GRIK1: variants seen among roughly 807,000 people sequenced by gnomAD.
The protein encoded by GRIK1 is glutamate receptor ionotropic, kainate 1.
GRIK1 carries 69 observed loss-of-function variants against 105.7 expected under a neutral mutation model. The observed-to-expected ratio is 0.65, with a 90% CI of 0.54 to 0.80. The LOEUF (loss-of-function observed/expected upper bound fraction) is 0.80, where lower values mean the gene tolerates loss of function less well. GRIK1 is among the 30% of genes least tolerant of loss of function. GRIK1 has a pLI of 0.00. For synonymous variants in GRIK1, 438 were observed against 431.3 expected, an observed-to-expected ratio of 1.02 and a Z score of -0.19; for missense variants, 1,109 against 1,167.3, an observed-to-expected ratio of 0.95 and a Z score of 0.73.
At chr21:29,818,065 G>A (rs1452509940) in intron 1 of GRIK1, among the ~76,000 whole-genome samples, 1 of 152,062 alleles carries the variant, frequency 6.6e-6, no homozygotes, top group African/African-American at 2.4e-5. Context: ...TAACTCCAAA[G>A]TCTGGAGTCT....
At chr21:29,812,212 T>C (rs1158795800) in intron 1 of GRIK1, among the ~76,000 whole-genome samples, 2 of 152,146 alleles carry the variant, frequency 1.3e-5, no homozygotes, top group East Asian at 3.8e-4. Flanking sequence ...GTAACCTCAA[T>C]CTCTGGAGTA....
chr21:29,800,854 G>T (rs933402362), intron 1 of GRIK1, among the ~76,000 whole-genome samples: 1 of 152,150 alleles, frequency 6.6e-6, no homozygotes, highest in Non-Finnish European at 1.5e-5. Context: ...GGAGAAAGAG[G>T]ATCCATGGTC....
At chr21:29,849,286 T>A (rs1439894464) in intron 1 of GRIK1, among the ~76,000 whole-genome samples, 1 of 152,236 alleles carries the variant, frequency 6.6e-6, no homozygotes, top group African/African-American at 2.4e-5. Context: ...AATAAATGTT[T>A]GCTGAATTAA....
chr21:29,657,701 C>T (rs1317766469), intron 4 of GRIK1: 1 of 152,206 alleles, frequency 6.6e-6, no homozygotes, highest in African/African-American at 2.4e-5. Context: ...TTGATAAGAA[C>T]AACAAAGTCA....
intron 1 of GRIK1, among the ~76,000 whole-genome samples, chr21:29,696,684 A>C (rs1302079715): frequency 6.6e-6 from 1 of 152,226 alleles, no homozygotes; most frequent in East Asian, 1.9e-4. Flanking sequence ...GAGAGCCCGC[A>C]TGTAGAGAGA....
rs143290159 is a variant in GRIK1 at position 29,801,585 on chromosome 21, A to C, written c.119-107522T>G. Among the ~76,000 whole-genome samples, 489 of 152,286 alleles carry C rather than the reference A, an allele frequency of 3.2e-3. 3 individuals are homozygous for C. Among genetic ancestry groups the C allele is most frequent in the African/African-American group, 0.011 (475 of 41,566 alleles). ...AATTATTTTACGGAAATTAGTAAAA[A>C]AAGATTCAGCATGTTTTACAAGAAG... On this transcript the variant is annotated intron_variant, in intron 1 of 17. Coordinates refer to ENST00000327783, the MANE Select transcript of GRIK1 (RefSeq NM_001330994.2).
At chr21:29,861,534 C>A in intron 1 of GRIK1, 1 of 252,484 alleles carries the variant, frequency 4.0e-6, no homozygotes, top group Non-Finnish European at 7.9e-6. Flanking sequence ...TCTCAAACTC[C>A]CGGACTCAAG....
At chr21:29,716,371 G>C (rs1175861731) in intron 1 of GRIK1, among the ~76,000 whole-genome samples, 2 of 152,168 alleles carry the variant, frequency 1.3e-5, no homozygotes, top group Non-Finnish European at 2.9e-5. Context: ...AGTGTGGAGG[G>C]CTTAGAAAAC....
chr21:29,621,682 C>T (rs2085288563), intron 7 of GRIK1, among the ~76,000 whole-genome samples: 1 of 152,086 alleles, frequency 6.6e-6, no homozygotes, highest in Non-Finnish European at 1.5e-5. Context: ...CATTTATTAC[C>T]CTACTTCTAG....
intron 8 of GRIK1, chr21:29,597,724 C>G (rs573870914): frequency 5.0e-6 from 2 of 398,798 alleles, no homozygotes; most frequent in Middle Eastern, 7.5e-4. Context: ...AATGTGTACT[C>G]TCAAAACTGC....
chr21:29,911,191 G>A (rs889144403), intron 1 of GRIK1, among the ~76,000 whole-genome samples: 5 of 152,008 alleles, frequency 3.3e-5, no homozygotes, highest in African/African-American at 1.2e-4. Context: ...GAGAGATTGA[G>A]TAACTTGCCC....
Position 29,588,836 on chromosome 21 carries a change from T to C in GRIK1, c.1569+3A>G, listed in dbSNP as rs769294800. On this transcript the variant is annotated splice_donor_region_variant and intron_variant, in intron 11 of 17. Transcript: ENST00000327783. ...CAGATATGTTAGAAATATTGTTACTTACGTGATCTATGAGTTCTTTAACCA... is the reference window on the plus strand; with the variant it reads ...CAGATATGTTAGAAATATTGTTACTCACGTGATCTATGAGTTCTTTAACCA... The C allele has an allele frequency of 2.7e-6, 4 of 1,477,318 alleles. No homozygotes were observed. In the African/African-American group the frequency reaches 5.5e-5, roughly 20 times the overall value. The allele number at this position is 1,477,318 out of a possible 1,614,324, so 91.5% of individuals were successfully genotyped here.
At chr21:29,782,753 A>C (rs1016196720) in intron 1 of GRIK1, among the ~76,000 whole-genome samples, 1 of 152,230 alleles carries the variant, frequency 6.6e-6, no homozygotes, top group Non-Finnish European at 1.5e-5. Flanking sequence ...CAGTTAATGA[A>C]TATATCTAAT....
In GRIK1 at chr21:29,654,811, A is replaced by T; in HGVS notation, c.779T>A (p.Leu260Gln). ...TEYYHYFFTT[L>Q]DLFALDLELY... ...TACATTTCTCCCAGATGCACTTACCAGGGTTGTGAAAAAGTAGTGATAGTA... is the reference window on the plus strand; with the variant it reads ...TACATTTCTCCCAGATGCACTTACCTGGGTTGTGAAAAAGTAGTGATAGTA... The change falls in exon 5 of 18, where the codon CTG becomes CAG. Residue 260 changes from leucine to glutamine, a missense_variant and splice_region_variant. By Grantham distance (113) the Leu-to-Gln change is moderately radical (BLOSUM62 -2). Transcript: ENST00000327783. 6.5e-7 allele frequency: 1 copy of T among 1,543,858 alleles called. No individual in the cohort carries two copies. The highest frequency in any genetic ancestry group is 9.0e-7 in the Non-Finnish European group (1 of 1,115,844).
intron 1 of GRIK1, among the ~76,000 whole-genome samples, chr21:29,710,039 C>T: frequency 6.6e-6 from 1 of 151,126 alleles, no homozygotes; most frequent in East Asian, 1.9e-4. Flanking sequence ...GAAATAAATG[C>T]TATATTATTA....
chr21:29,727,276 G>A (rs2064493492), intron 1 of GRIK1, among the ~76,000 whole-genome samples: 2 of 152,002 alleles, frequency 1.3e-5, no homozygotes, highest in Admixed American at 6.6e-5. Context: ...TATTTTTAGG[G>A]ATTTATATAA....
At chr21:29,725,022 A>G (rs540511619) in intron 1 of GRIK1, among the ~76,000 whole-genome samples, 114 of 151,924 alleles carry the variant, frequency 7.5e-4, no homozygotes, top group African/African-American at 2.1e-3. Context: ...AAAAAAAAAA[A>G]AAAAGAAACT....
At chr21:29,853,415 C>T (rs1052813859) in intron 1 of GRIK1, among the ~76,000 whole-genome samples, 6 of 152,170 alleles carry the variant, frequency 3.9e-5, no homozygotes, top group Non-Finnish European at 7.3e-5. Context: ...CCTCCAGCTA[C>T]CTTTTGAATT....
intron 1 of GRIK1, among the ~76,000 whole-genome samples, chr21:29,876,310 G>T (rs1038710965): frequency 3.3e-5 from 5 of 152,022 alleles, no homozygotes; most frequent in African/African-American, 1.2e-4. Flanking sequence ...CATGCACTGA[G>T]TAATCAGTAG....
Sources: allele counts gnomAD v4.1 joint callset (sites outside exome capture counted in the v4.1 genomes callset), GRCh38; gene constraint gnomAD v4.1.1; transcripts MANE v1.5; gene names NCBI Gene and HGNC (gene_info 2026-07-23, HGNC 2026-07-21).